H2AZ2: variants seen among roughly 807,000 people sequenced by gnomAD.
H2AZ2 encodes H2A.Z variant histone 2.
In H2AZ2, 5 loss-of-function variants were observed where a neutral mutation model predicts 15.5. The observed-to-expected ratio is 0.32, with a 90% CI of 0.17 to 0.68. The LOEUF (loss-of-function observed/expected upper bound fraction) is 0.68, where lower values mean the gene tolerates loss of function less well. Ranked by LOEUF, H2AZ2 falls within the 30% of genes least tolerant of loss-of-function variation. The probability of loss-of-function intolerance (pLI) is 0.72; values close to 1 mark genes in which losing one functional copy is unlikely to be tolerated. For missense variants in H2AZ2, 42 were observed against 162.5 expected (o/e 0.26, Z 4.03); for synonymous variants, 44 against 57.4 (o/e 0.77, Z 1.05).
intron 4 of H2AZ2, 110 bp downstream of exon 4, chr7:44,835,419 A>G (rs2117026138): frequency 1.3e-6 from 1 of 789,094 alleles, no homozygotes; most frequent in East Asian, 2.8e-5. Flanking sequence ...TTATGAAATT[A>G]AAGTTTATAT....
chr7:44,828,757 T>C (rs933665619), downstream of H2AZ2: 4 of 152,220 alleles, frequency 2.6e-5, no homozygotes, highest in Admixed American at 6.5e-5. Flanking sequence ...AAGTGTGGCA[T>C]AGCACAGCAA....
chr7:44,840,045 T>A (rs138217476), intron 3 of H2AZ2, among the ~76,000 whole-genome samples: 67 of 132,812 alleles, frequency 5.0e-4, no homozygotes, highest in African/African-American at 9.1e-4. Context: ...AAATAAATAA[T>A]TAGCCAGGTG....
chr7:44,837,534 C>T (rs530350215), intron 3 of H2AZ2, among the ~76,000 whole-genome samples: 23 of 148,268 alleles, frequency 1.6e-4, no homozygotes, highest in African/African-American at 5.2e-4. Context: ...CACTGTCATG[C>T]AGGCTGGAGT....
intron 1 of H2AZ2, among the ~76,000 whole-genome samples, chr7:44,845,820 G>A (rs1446248591): frequency 1.3e-5 from 2 of 151,972 alleles, no homozygotes; most frequent in Admixed American, 6.6e-5. Flanking sequence ...AAACTTTTAT[G>A]GTATCAAACT....
chr7:44,834,214 A>G lies in H2AZ2; in HGVS notation c.*287T>C, dbSNP rs1160158564. The G allele has an allele frequency of 1.7e-6, 2 of 1,169,836 alleles. No individual in the cohort carries two copies. The highest frequency in any genetic ancestry group is 2.1e-6 in the Non-Finnish European group (2 of 943,068). 72.5% of individuals were successfully genotyped at this position (1,169,836 alleles called of 1,614,324 possible). On this transcript the variant is annotated 3_prime_UTR_variant, in exon 5 of 5. Coordinates refer to ENST00000308153, the MANE Select transcript of H2AZ2 (RefSeq NM_012412.5). ...ATTTCTAATACATCATGAACAGAACAGTTTTGAGACAAATTAATTTTGTAA... is the reference window on the plus strand; with the variant it reads ...ATTTCTAATACATCATGAACAGAACGGTTTTGAGACAAATTAATTTTGTAA...
chr7:44,836,865 A>G (rs1182916960), intron 3 of H2AZ2, among the ~76,000 whole-genome samples: 8 of 150,614 alleles, frequency 5.3e-5, no homozygotes, highest in South Asian at 2.2e-4. Context: ...GTGTGGTGGC[A>G]GGCACCTGTA....
chr7:44,838,511 G>A (rs577337068), intron 3 of H2AZ2, among the ~76,000 whole-genome samples: 47 of 152,090 alleles, frequency 3.1e-4, no homozygotes, highest in African/African-American at 1.0e-3. Flanking sequence ...AAATTAGCCA[G>A]GTGTGGTGAT....
Position 44,833,531 on chromosome 7 carries a change from G to A in H2AZ2, c.*970C>T, listed in dbSNP as rs1474779479. 4.3e-6 allele frequency: 1 copy of A among 231,528 alleles called. No homozygotes were observed. Among genetic ancestry groups the A allele is most frequent in the Non-Finnish European group, 7.1e-6 (1 of 140,882 alleles). The allele number at this position is 231,528 out of a possible 1,614,324, so 14.3% of individuals were successfully genotyped here. A position where few individuals can be genotyped will look rare whatever the true frequency, so the allele number is the denominator to read the frequency against. On this transcript the variant is annotated 3_prime_UTR_variant, in exon 5 of 5. Transcript: ENST00000308153. ...ATTACAGGCGTGAGCCACCGCGCCT[G>A]GCCGAGACGGCGTTTTACCATGTTG...
At position 44,834,036 on chromosome 7, in the gene H2AZ2, G is replaced by T; in HGVS notation, c.*465C>A. 2.2e-6 allele frequency: 1 copy of T among 461,860 alleles called. No individual in the cohort carries two copies. Among genetic ancestry groups the T allele is most frequent in the Non-Finnish European group, 2.8e-6 (1 of 351,912 alleles). The allele number at this position is 461,860 out of a possible 1,614,324, so 28.6% of individuals were successfully genotyped here. A position where few individuals can be genotyped will look rare whatever the true frequency, so the allele number is the denominator to read the frequency against. The stretch of plus-strand genomic sequence containing the variant: ...ATTTAATTGGCAGGTTTTTTCCTTA[G>T]TCGTTTGTAAAAAATGGTGCTACAG... On this transcript the variant is annotated 3_prime_UTR_variant, in exon 5 of 5. Coordinates refer to ENST00000308153, the MANE Select transcript of H2AZ2 (RefSeq NM_012412.5).
At chr7:44,839,820 T>C (rs182343599) in intron 3 of H2AZ2, among the ~76,000 whole-genome samples, 3 of 150,468 alleles carry the variant, frequency 2.0e-5, no homozygotes, top group Middle Eastern at 3.5e-3. Context: ...CTGGCCAACA[T>C]GGTGAAACCC....
intron 3 of H2AZ2, among the ~76,000 whole-genome samples, chr7:44,840,325 A>C (rs1345620060): frequency 3.3e-5 from 5 of 152,176 alleles, no homozygotes; most frequent in African/African-American, 4.8e-5. Flanking sequence ...TCAAGTGTAC[A>C]ATCTACCCAC....
downstream of H2AZ2, among the ~76,000 whole-genome samples, chr7:44,830,476 T>A (rs1405386703): frequency 6.6e-6 from 1 of 152,206 alleles, no homozygotes; most frequent in African/African-American, 2.4e-5. Flanking sequence ...ATGCAATTCT[T>A]CATTCTCAAG....
intron 3 of H2AZ2, among the ~76,000 whole-genome samples, chr7:44,840,309 C>T (rs923229900): frequency 4.3e-4 from 65 of 152,158 alleles, no homozygotes; most frequent in Admixed American, 1.1e-3. Context: ...TCTGGAACTC[C>T]AGGACTCAAG....
At chr7:44,831,651 A>G (rs972385454), downstream of H2AZ2, among the ~76,000 whole-genome samples, 1 of 152,050 alleles carries the variant, frequency 6.6e-6, no homozygotes, top group Non-Finnish European at 1.5e-5. Flanking sequence ...TGAAATTTCT[A>G]TTTTATCCTG....
chr7:44,829,330 G>C (rs1792968753), downstream of H2AZ2: 1 of 152,248 alleles, frequency 6.6e-6, no homozygotes. Context: ...GCTGGGCCTG[G>C]TGGTTCCTGC....
downstream of H2AZ2, chr7:44,830,244 C>G: frequency 1.5e-6 from 2 of 1,347,274 alleles, no homozygotes; most frequent in Non-Finnish European, 2.1e-6. Flanking sequence ...GAGCTGATAA[C>G]TGGATAAAAT....
At chr7:44,837,218 T>C (rs918515556) in intron 3 of H2AZ2, among the ~76,000 whole-genome samples, 3 of 151,596 alleles carry the variant, frequency 2.0e-5, no homozygotes, top group Admixed American at 6.6e-5. Context: ...TCGTTTTAAA[T>C]AGAGCAGTGT....
intron 3 of H2AZ2, among the ~76,000 whole-genome samples, chr7:44,837,541 G>C (rs1671152004): frequency 6.6e-6 from 1 of 150,600 alleles, no homozygotes; most frequent in Non-Finnish European, 1.5e-5. Context: ...ATGCAGGCTG[G>C]AGTGCAGTGG....
At chr7:44,840,873 T>C (rs1319328724) in intron 3 of H2AZ2, 26 bp downstream of exon 3, 2 of 1,525,970 alleles carry the variant, frequency 1.3e-6, no homozygotes, top group East Asian at 2.3e-5. Flanking sequence ...TGGATGGCCA[T>C]ATACAACAGA....
Sources: allele counts gnomAD v4.1 joint callset (sites outside exome capture counted in the v4.1 genomes callset), GRCh38; gene constraint gnomAD v4.1.1; transcripts MANE v1.5; gene names NCBI Gene and HGNC (gene_info 2026-07-23, HGNC 2026-07-21).